The following SHISA9 variants were observed in gnomAD, a reference collection of about 807,000 sequenced individuals.
SHISA9 encodes shisa family member 9.
Under a neutral mutation model 38.0 loss-of-function variants are expected in SHISA9, and 13 were observed. The observed-to-expected ratio is 0.34, with a 90% CI of 0.22 to 0.54. The LOEUF is 0.54. SHISA9 is among the 20% of genes least tolerant of loss of function. The probability of loss-of-function intolerance (pLI) is 0.91; values close to 1 mark genes in which losing one functional copy is unlikely to be tolerated. For synonymous variants in SHISA9, 275 were observed against 242.0 expected (o/e 1.14, Z -1.27); for missense variants, 538 against 575.8 (o/e 0.93, Z 0.67).
At chr16:13,033,714 G>A (rs892840335) in intron 2 of SHISA9, among the ~76,000 whole-genome samples, 1 of 152,108 alleles carries the variant, frequency 6.6e-6, no homozygotes, top group Non-Finnish European at 1.5e-5. Context: ...TGGTTGTTGT[G>A]AGTTGGCCAC....
intron 1 of SHISA9, among the ~76,000 whole-genome samples, chr16:12,913,399 G>A (rs577836505): frequency 9.1e-4 from 139 of 152,270 alleles, no homozygotes; most frequent in Middle Eastern, 6.8e-3. Flanking sequence ...GTTTCACCAT[G>A]TTGGCCAGGC....
At chr16:12,950,770 A>ATT (rs113879531) in intron 2 of SHISA9, among the ~76,000 whole-genome samples, 9 of 146,820 alleles carry the variant, frequency 6.1e-5, no homozygotes, top group East Asian at 2.0e-4. Flanking sequence ...GGCTGGCTAA[A>ATT]TTTTTTTTTT....
chr16:12,963,586 C>T (rs762301424), intron 2 of SHISA9, among the ~76,000 whole-genome samples: 7 of 152,172 alleles, frequency 4.6e-5, no homozygotes. Flanking sequence ...GTTTTATATA[C>T]TTGTGTCATT....
At chr16:13,214,685 A>T (rs578055958) in intron 4 of SHISA9, among the ~76,000 whole-genome samples, 2 of 152,342 alleles carry the variant, frequency 1.3e-5, no homozygotes, top group South Asian at 4.1e-4. Flanking sequence ...GGGAAGTCTC[A>T]CAATCAGGGC....
intron 2 of SHISA9, among the ~76,000 whole-genome samples, chr16:13,118,114 G>A (rs1298054005): frequency 9.2e-5 from 14 of 151,782 alleles, no homozygotes; most frequent in African/African-American, 2.7e-4. Context: ...CCTGGGAGGC[G>A]GAGGTTGCAG....
At chr16:13,094,353 A>G (rs578223000) in intron 2 of SHISA9, among the ~76,000 whole-genome samples, 3 of 152,334 alleles carry the variant, frequency 2.0e-5, no homozygotes, top group African/African-American at 7.2e-5. Context: ...ATTGCTAAAT[A>G]TACTCATTCT....
chr16:13,210,637 T>C (rs2051110003), intron 3 of SHISA9, among the ~76,000 whole-genome samples: 1 of 152,316 alleles, frequency 6.6e-6, no homozygotes, highest in South Asian at 2.1e-4. Flanking sequence ...TGGCCATGGA[T>C]TGGCCTCTAC....
intron 2 of SHISA9, among the ~76,000 whole-genome samples, chr16:13,007,395 A>C (rs1477033653): frequency 6.6e-6 from 1 of 152,060 alleles, no homozygotes; most frequent in Non-Finnish European, 1.5e-5. Flanking sequence ...TATATCACAC[A>C]TCTCCTACAG....
At chr16:13,283,013 T>A in the SHISA9 span, among the ~76,000 whole-genome samples, 1 of 152,142 alleles carries the variant, frequency 6.6e-6, no homozygotes, top group Non-Finnish European at 1.5e-5. Flanking sequence ...TATTAATGAC[T>A]TTATTTTTCT....
the SHISA9 span, among the ~76,000 whole-genome samples, chr16:13,498,474 C>T: frequency 7.9e-5 from 12 of 152,196 alleles, no homozygotes; most frequent in South Asian, 4.2e-4. Flanking sequence ...AAAGTAGTCA[C>T]GGCTGGGCGC....
the SHISA9 span, among the ~76,000 whole-genome samples, chr16:13,388,711 T>G: frequency 6.6e-6 from 1 of 152,144 alleles, no homozygotes; most frequent in Non-Finnish European, 1.5e-5. Context: ...CTCTTTTGTC[T>G]GTAAAATTGA....
At chr16:13,045,918 G>A (rs955164679) in intron 2 of SHISA9, among the ~76,000 whole-genome samples, 1 of 152,192 alleles carries the variant, frequency 6.6e-6, no homozygotes, top group Non-Finnish European at 1.5e-5. Flanking sequence ...CAGACCTTTT[G>A]ACGAGTCTGC....
intron 2 of SHISA9, among the ~76,000 whole-genome samples, chr16:12,974,864 T>A (rs565009707): frequency 1.1e-4 from 16 of 152,312 alleles, no homozygotes; most frequent in Admixed American, 5.9e-4. Flanking sequence ...TATGTCTACA[T>A]CTATAACTCT....
At chr16:13,270,566 G>A in the SHISA9 span, among the ~76,000 whole-genome samples, 4 of 152,202 alleles carry the variant, frequency 2.6e-5, no homozygotes, top group African/African-American at 9.6e-5. Flanking sequence ...GAAGTGGAGA[G>A]AAGCCAACAA....
intron 2 of SHISA9, among the ~76,000 whole-genome samples, chr16:12,972,982 G>T (rs1438616842): frequency 6.6e-6 from 1 of 152,118 alleles, no homozygotes; most frequent in Non-Finnish European, 1.5e-5. Context: ...CAGGCGTGGT[G>T]GTGGGTGCCT....
intron 2 of SHISA9, among the ~76,000 whole-genome samples, chr16:12,937,307 G>T (rs1045879463): frequency 4.6e-5 from 7 of 152,280 alleles, no homozygotes; most frequent in African/African-American, 1.4e-4. Flanking sequence ...ATTCAAGGAC[G>T]TGAAGCAAAC....
At chr16:13,515,171 G>C in the SHISA9 span, among the ~76,000 whole-genome samples, 1 of 152,118 alleles carries the variant, frequency 6.6e-6, no homozygotes, top group Non-Finnish European at 1.5e-5. Flanking sequence ...CAATGTTGTT[G>C]TGAAACTACA....
the SHISA9 span, among the ~76,000 whole-genome samples, chr16:13,541,397 C>T: frequency 6.6e-6 from 1 of 152,036 alleles, no homozygotes; most frequent in African/African-American, 2.4e-5. Flanking sequence ...CATATATAGC[C>T]CCACAAAATG....
At chr16:13,104,395 C>T (rs2073907025) in intron 2 of SHISA9, among the ~76,000 whole-genome samples, 1 of 152,126 alleles carries the variant, frequency 6.6e-6, no homozygotes. Context: ...AAAGACATAT[C>T]CATGAATATT....
Sources: gnomAD v4.1 joint callset for allele counts (sites outside exome capture counted in the v4.1 genomes callset) on GRCh38, gnomAD v4.1.1 for gene constraint, MANE v1.5 for transcripts, NCBI Gene and HGNC (gene_info 2026-07-23, HGNC 2026-07-21) for gene names.